The following TIAM1 variants were observed in gnomAD, a reference collection of about 807,000 sequenced individuals.
TIAM1 encodes TIAM Rac1 associated GEF 1, also known as rho guanine nucleotide exchange factor TIAM1.
Under a neutral mutation model 163.5 loss-of-function variants are expected in TIAM1, and 65 were observed. The observed-to-expected ratio is 0.40, with a 90% CI of 0.33 to 0.49. TIAM1 has a LOEUF of 0.49. Among genes scored for constraint, TIAM1 ranks in the 20% least tolerant of loss-of-function variants. The pLI, the probability that TIAM1 is intolerant of heterozygous loss-of-function variation, is 0.77. For synonymous variants in TIAM1, 833 were observed against 810.1 expected, an observed-to-expected ratio of 1.03 and a Z score of -0.48; for missense variants, 1,789 against 2,044.7, an observed-to-expected ratio of 0.87 and a Z score of 2.41.
chr21:31,387,209 T>C (rs2076889040), intron 2 of TIAM1, among the ~76,000 whole-genome samples: 1 of 143,806 alleles, frequency 7.0e-6, no homozygotes, highest in African/African-American at 2.6e-5. Flanking sequence ...TTTTTTTTTT[T>C]TTTTTTTTTT....
intron 2 of TIAM1, among the ~76,000 whole-genome samples, chr21:31,382,362 GA>G (rs777690939): frequency 3.9e-5 from 6 of 152,152 alleles, no homozygotes; most frequent in South Asian, 4.1e-4. Flanking sequence ...AAGGGCAGAA[GA>G]AAATAAAAAG....
chr21:31,127,091 C>T lies in TIAM1; in HGVS notation c.4107G>A (p.Pro1369=), dbSNP rs199644128. 133 of 1,613,932 alleles carry T rather than the reference C, an allele frequency of 8.2e-5. No homozygotes were observed. The highest frequency in any genetic ancestry group is 2.3e-4 in the African/African-American group (17 of 74,924). Residue 1369 remains proline (P), a synonymous_variant, in exon 26 of 28, where the codon CCG becomes CCA. Transcript: ENST00000541036. ...VHVKSESEGR[P]ERVFHLCCSS... ...TGCAGCACAAGTGAAAGACCCTCTC[C>T]GGCCTCCCTTCAGACTCGGATTTTA...
chr21:31,262,137 T>C (rs187752840), intron 4 of TIAM1, among the ~76,000 whole-genome samples: 1 of 152,306 alleles, frequency 6.6e-6, no homozygotes, highest in Admixed American at 6.5e-5. Context: ...ACATCACAAC[T>C]AACAACTCCT....
intron 19 of TIAM1, among the ~76,000 whole-genome samples, chr21:31,149,402 T>C (rs2083280094): frequency 6.6e-6 from 1 of 152,166 alleles, no homozygotes. Flanking sequence ...ACTCAAAAAG[T>C]TTCCAATTTT....
In TIAM1 at chr21:31,413,244, TTTTTC is replaced by T. The variant is rs1315859084; in HGVS notation, c.-369+50734_-369+50738del. Among the ~76,000 whole-genome samples the T allele has an allele frequency of 2.5e-3, 366 of 149,382 alleles. 3 individuals carry two copies. The highest frequency in any genetic ancestry group is 0.011 in the East Asian group (54 of 5,068). ...TGTCTTCCTCTTTCTGCGTATTTCT[TTTTTC>T]TTTTCTTTTCTTTTCTTTTTTTTTT... On this transcript the variant is annotated intron_variant, in intron 2 of 28. Coordinates refer to the TIAM1 transcript ENST00000286827.
At chr21:31,201,673 GAAT>G (rs1226046690) in intron 12 of TIAM1, among the ~76,000 whole-genome samples, 5 of 152,138 alleles carry the variant, frequency 3.3e-5, no homozygotes, top group African/African-American at 9.7e-5. Flanking sequence ...TCCAAAAAGA[GAAT>G]AATACTTGGG....
chr21:31,283,899 A>C (rs953256020), intron 2 of TIAM1, among the ~76,000 whole-genome samples: 2 of 151,800 alleles, frequency 1.3e-5, no homozygotes, highest in South Asian at 2.1e-4. Flanking sequence ...TCCACCCAAC[A>C]CTCCAAGAGT....
At chr21:31,177,913 G>C (rs1387863121) in intron 15 of TIAM1, among the ~76,000 whole-genome samples, 1 of 152,120 alleles carries the variant, frequency 6.6e-6, no homozygotes, top group Non-Finnish European at 1.5e-5. Flanking sequence ...ACCCAGCAAG[G>C]CTCTCTGTCG....
chr21:31,343,443 G>T (rs2076077568), intron 1 of TIAM1, among the ~76,000 whole-genome samples: 1 of 152,082 alleles, frequency 6.6e-6, no homozygotes, highest in African/African-American at 2.4e-5. Flanking sequence ...ATTGACTTAG[G>T]CAATCGATCC....
At chr21:31,223,178 T>C (rs1443777348) in intron 8 of TIAM1, among the ~76,000 whole-genome samples, 1 of 152,044 alleles carries the variant, frequency 6.6e-6, no homozygotes, top group Non-Finnish European at 1.5e-5. Flanking sequence ...GTACCCTTCA[T>C]ATTTCCTTTG....
chr21:31,194,274 A>T (rs959964859), intron 13 of TIAM1, among the ~76,000 whole-genome samples: 3 of 152,200 alleles, frequency 2.0e-5, no homozygotes, highest in Non-Finnish European at 2.9e-5. Flanking sequence ...CTATTAAAAA[A>T]ATCATAGTTG....
chr21:31,334,205 C>G (rs373886108), intron 2 of TIAM1, among the ~76,000 whole-genome samples: 1 of 152,062 alleles, frequency 6.6e-6, no homozygotes, highest in Non-Finnish European at 1.5e-5. Flanking sequence ...AATGTCAACT[C>G]TTGTGCTTTC....
chr21:31,153,470 G>A (rs186380853), intron 17 of TIAM1, among the ~76,000 whole-genome samples: 88 of 152,238 alleles, frequency 5.8e-4, no homozygotes, highest in African/African-American at 1.9e-3. Context: ...AACAGGCAGC[G>A]AGCTGGATTT....
intron 2 of TIAM1, among the ~76,000 whole-genome samples, chr21:31,451,932 G>A (rs528117646): frequency 2.0e-5 from 3 of 152,178 alleles, no homozygotes; most frequent in African/African-American, 7.2e-5. Context: ...CTAACACCCA[G>A]ACTAAAAATC....
intron 2 of TIAM1, among the ~76,000 whole-genome samples, chr21:31,298,710 A>C (rs2074380781): frequency 6.7e-6 from 1 of 148,824 alleles, no homozygotes; most frequent in Admixed American, 6.7e-5. Flanking sequence ...CTCACCAAGC[A>C]TGGATCAGAT....
At chr21:31,204,899 T>C (rs749343552) in intron 11 of TIAM1, among the ~76,000 whole-genome samples, 1 of 152,204 alleles carries the variant, frequency 6.6e-6, no homozygotes, top group Non-Finnish European at 1.5e-5. Flanking sequence ...AGTAATATGA[T>C]AGTTTGCAGC....
At chr21:31,164,904 G>T in intron 16 of TIAM1, 58 bp downstream of exon 16, 1 of 1,544,532 alleles carries the variant, frequency 6.5e-7, no homozygotes, top group Non-Finnish European at 8.9e-7. Context: ...AGGTGACATT[G>T]TCAGCTGTGA....
At chr21:31,455,051 G>A (rs2045036327) in intron 2 of TIAM1, among the ~76,000 whole-genome samples, 2 of 152,036 alleles carry the variant, frequency 1.3e-5, no homozygotes, top group Non-Finnish European at 2.9e-5. Context: ...GAGGCTGAGA[G>A]GGGTAGATCA....
chr21:31,220,823 C>T (rs142027651), intron 8 of TIAM1, among the ~76,000 whole-genome samples: 182 of 152,306 alleles, frequency 1.2e-3, no homozygotes, highest in African/African-American at 3.8e-3. Context: ...CAATGCCTCC[C>T]TTTGTGGCCT....
Sources: gnomAD v4.1 joint callset for allele counts (sites outside exome capture counted in the v4.1 genomes callset) on GRCh38, gnomAD v4.1.1 for gene constraint, MANE v1.5 for transcripts, NCBI Gene and HGNC (gene_info 2026-07-23, HGNC 2026-07-21) for gene names.